The following CFAP43 variants were observed in gnomAD, a reference collection of about 807,000 sequenced individuals.
CFAP43 encodes cilia- and flagella-associated protein 43.
Under a neutral mutation model 218.9 loss-of-function variants are expected in CFAP43, and 155 were observed. That is an observed-to-expected ratio of 0.71 (90% CI 0.62 to 0.81). The LOEUF is 0.81. Among genes scored for constraint, CFAP43 ranks in the 30% least tolerant of loss-of-function variants. The pLI, the probability that CFAP43 is intolerant of heterozygous loss-of-function variation, is 0.00. For missense variants in CFAP43, 1,778 were observed against 1,954.3 expected, an observed-to-expected ratio of 0.91 and a Z score of 1.70; for synonymous variants, 645 against 681.3, an observed-to-expected ratio of 0.95 and a Z score of 0.83.
rs539680994 is a variant in CFAP43 at position 104,197,017 on chromosome 10, C to T, written c.1213-84G>A. On this transcript the variant is annotated intron_variant, in intron 9 of 37. Transcript: ENST00000357060. The stretch of plus-strand genomic sequence containing the variant: ...TGTTCTACCTCCCTTTCCAGTGTGC[C>T]AATGATTTAGTATAAAATTTCATTT... 3.1e-4 allele frequency: 328 copies of T among 1,073,606 alleles called. 1 individual carries two copies. The African/African-American group carries it at 4.6e-3, about 15-fold the overall frequency. The allele number at this position is 1,073,606 out of a possible 1,614,324, so 66.5% of individuals were successfully genotyped here.
At chr10:104,226,573 AAG>A (rs1304145460) in intron 2 of CFAP43, among the ~76,000 whole-genome samples, 1 of 152,100 alleles carries the variant, frequency 6.6e-6, no homozygotes, top group Non-Finnish European at 1.5e-5. Context: ...GCCAAAAAAA[AAG>A]AGAGAAAAAT....
At chr10:104,222,540 A>G (rs1334927142) in intron 3 of CFAP43, among the ~76,000 whole-genome samples, 1 of 152,196 alleles carries the variant, frequency 6.6e-6, no homozygotes, top group East Asian at 1.9e-4. Context: ...ATGAGAGAGC[A>G]GTGTCTGGTC....
In CFAP43 at chr10:104,168,732, T is replaced by C. The variant is rs2089284737; in HGVS notation, c.2691+12A>G. On this transcript the variant is annotated intron_variant, in intron 21 of 37. Coordinates refer to ENST00000357060, the MANE Select transcript of CFAP43 (RefSeq NM_025145.7). Reference sequence around the variant, plus strand: ...TCTCATCAGGTTTTGTACCTAGGGTTCTATCTGTTACCTTAAGAGCTCGAC... The same window carrying C: ...TCTCATCAGGTTTTGTACCTAGGGTCCTATCTGTTACCTTAAGAGCTCGAC... 2.5e-6 allele frequency: 4 copies of C among 1,603,104 alleles called. No homozygotes were observed. The East Asian group carries it at 8.9e-5, about 36-fold the overall frequency.
chr10:104,150,404 T>C (rs928121632), intron 28 of CFAP43, among the ~76,000 whole-genome samples: 2 of 152,182 alleles, frequency 1.3e-5, no homozygotes, highest in Admixed American at 1.3e-4. Context: ...CAGCTCTCTT[T>C]CCCTGCCTTT....
At chr10:104,134,054 G>C (rs2087324734) in intron 34 of CFAP43, among the ~76,000 whole-genome samples, 1 of 151,418 alleles carries the variant, frequency 6.6e-6, no homozygotes, top group Non-Finnish European at 1.5e-5. Flanking sequence ...ACTTTTTTTT[G>C]CCATCACCCA....
At chr10:104,161,385 G>A (rs943062697) in intron 26 of CFAP43, among the ~76,000 whole-genome samples, 4 of 152,160 alleles carry the variant, frequency 2.6e-5, no homozygotes, top group African/African-American at 9.7e-5. Flanking sequence ...TGGACTCTTA[G>A]GTGATAGACT....
chr10:104,167,020 G>A (rs904941950), intron 22 of CFAP43, among the ~76,000 whole-genome samples: 1 of 152,134 alleles, frequency 6.6e-6, no homozygotes, highest in African/African-American at 2.4e-5. Context: ...TGGTACTTAA[G>A]TATTAAGAAA....
chr10:104,178,319 T>G (rs762665803), intron 19 of CFAP43, among the ~76,000 whole-genome samples: 21 of 152,186 alleles, frequency 1.4e-4, no homozygotes, highest in Non-Finnish European at 2.9e-4. Flanking sequence ...TGAGAAGAAT[T>G]TGTTAGCATT....
chr10:104,166,781 T>TTG (rs1330082319), intron 22 of CFAP43, 63 bp from the exon 23 acceptor site: 42 of 1,362,358 alleles, frequency 3.1e-5, no homozygotes, highest in Admixed American at 4.6e-5. Context: ...AAGGGAAATT[T>TTG]TGTGACAACT....
intron 8 of CFAP43, among the ~76,000 whole-genome samples, chr10:104,200,122 C>T (rs919899911): frequency 9.2e-5 from 14 of 152,170 alleles, no homozygotes; most frequent in African/African-American, 3.4e-4. Flanking sequence ...CTTCAGGACT[C>T]AGGCCTTAGT....
At chr10:104,177,604 C>T (rs917178903) in intron 19 of CFAP43, among the ~76,000 whole-genome samples, 1 of 152,160 alleles carries the variant, frequency 6.6e-6, no homozygotes, top group Non-Finnish European at 1.5e-5. Flanking sequence ...CCATAAAGGC[C>T]AGCCTCTTGG....
chr10:104,154,901 T>G (rs2088458205), intron 27 of CFAP43, among the ~76,000 whole-genome samples: 1 of 152,194 alleles, frequency 6.6e-6, no homozygotes, highest in African/African-American at 2.4e-5. Context: ...AAGAGTTCCT[T>G]GGGCCCTGTC....
At chr10:104,185,892 A>T in intron 15 of CFAP43, 82 bp downstream of exon 15, 1 of 1,325,872 alleles carries the variant, frequency 7.5e-7, no homozygotes, top group African/African-American at 1.5e-5. Context: ...TATATAAGCA[A>T]ATTTTTATAT....
intron 20 of CFAP43, among the ~76,000 whole-genome samples, chr10:104,170,583 A>G (rs1290770202): frequency 6.6e-6 from 1 of 152,166 alleles, no homozygotes; most frequent in Non-Finnish European, 1.5e-5. Context: ...ACCAGAGCCA[A>G]GGAGGAAGAG....
intron 3 of CFAP43, among the ~76,000 whole-genome samples, chr10:104,220,547 A>G (rs764317995): frequency 6.6e-6 from 1 of 152,024 alleles, no homozygotes; most frequent in Non-Finnish European, 1.5e-5. Context: ...CTCACCAACT[A>G]TATAAGTTTA....
intron 8 of CFAP43, among the ~76,000 whole-genome samples, chr10:104,200,722 C>A (rs1039867954): frequency 1.3e-4 from 19 of 149,646 alleles, no homozygotes; most frequent in African/African-American, 4.7e-4. Context: ...AGGAAACTAC[C>A]CATGTAGATT....
intron 7 of CFAP43, among the ~76,000 whole-genome samples, 171 bp from the exon 8 acceptor site, chr10:104,203,974 A>C (rs554756801): frequency 6.6e-6 from 1 of 152,236 alleles, no homozygotes; most frequent in East Asian, 1.9e-4. Flanking sequence ...ACTTTTAACT[A>C]TGTTCCCTGG....
chr10:104,131,529 A>G lies in CFAP43; in HGVS notation c.4678-45T>C, dbSNP rs373484848. On this transcript the variant is annotated intron_variant, in intron 36 of 37. Coordinates refer to ENST00000357060, the MANE Select transcript of CFAP43 (RefSeq NM_025145.7). ...GACACCCCACAAAATTAATTTTGAA[A>G]AATGTAATTTATCCTATAAAGACAT... 4.0e-5 allele frequency: 62 copies of G among 1,568,454 alleles called. No homozygotes were observed. In the African/African-American group the frequency reaches 7.9e-4, roughly 20 times the overall value.
At chr10:104,211,135 G>A (rs936463344) in intron 5 of CFAP43, among the ~76,000 whole-genome samples, 4 of 151,978 alleles carry the variant, frequency 2.6e-5, no homozygotes, top group Non-Finnish European at 5.9e-5. Context: ...TCTCCCCAGA[G>A]GCCTTCCTTA....
Sources: gnomAD v4.1 joint callset for allele counts (sites outside exome capture counted in the v4.1 genomes callset) on GRCh38, gnomAD v4.1.1 for gene constraint, MANE v1.5 for transcripts, NCBI Gene and HGNC (gene_info 2026-07-23, HGNC 2026-07-21) for gene names.